The following CCDC33 variants were observed in gnomAD, a reference collection of about 807,000 sequenced individuals.
CCDC33 encodes coiled-coil domain containing 33, also known as coiled-coil domain-containing protein 33.
Under a neutral mutation model 91.9 loss-of-function variants are expected in CCDC33, and 94 were observed. The ratio of observed to expected loss-of-function variants is 1.02; its 90% confidence interval spans 0.87 to 1.21. The LOEUF is 1.21. Ranked by LOEUF, CCDC33 falls within the 50% of genes most tolerant of loss-of-function variation. The pLI is 0.00. For synonymous variants in CCDC33, 396 were observed against 374.5 expected (o/e 1.06, Z -0.66); for missense variants, 940 against 935.5 (o/e 1.00, Z -0.06).
chr15:74,277,013 C>T (rs1292598739), intron 7 of CCDC33, among the ~76,000 whole-genome samples: 1 of 152,136 alleles, frequency 6.6e-6, no homozygotes, highest in Admixed American at 6.5e-5. Context: ...GCTACAGGGT[C>T]GGGGGCAGAG....
At chr15:74,332,885 TG>T (rs1567044200) in intron 16 of CCDC33, 40 bp downstream of exon 16, 1 of 1,598,428 alleles carries the variant, frequency 6.3e-7, no homozygotes, top group Non-Finnish European at 8.5e-7. Context: ...TGCCGGTCAC[TG>T]GGTGCCCAGA....
chr15:74,325,860 C>T (rs367652777), intron 11 of CCDC33, among the ~76,000 whole-genome samples: 2 of 152,108 alleles, frequency 1.3e-5, no homozygotes, highest in African/African-American at 2.4e-5. Context: ...TACCTTACCC[C>T]CAACACACCC....
rs2059342235 is a variant in CCDC33 at position 74,280,659 on chromosome 15, C to T, written c.890-9C>T. ...TTGGCAGGAGCCCTAGTTGATCCTT[C>T]CCCCACAGTGAAAGGCAGCCAGCCG... On this transcript the variant is annotated splice_polypyrimidine_tract_variant and intron_variant, in intron 8 of 18. Coordinates refer to ENST00000398814, the MANE Select transcript of CCDC33 (RefSeq NM_025055.5). The T allele has an allele frequency of 1.4e-6, 2 of 1,465,542 alleles. No individual in the cohort carries two copies. The highest frequency in any genetic ancestry group is 1.5e-5 in the South Asian group (1 of 68,210). 90.8% of individuals were successfully genotyped at this position (1,465,542 alleles called of 1,614,324 possible). A position where few individuals can be genotyped will look rare whatever the true frequency, so the allele number is the denominator to read the frequency against.
At chr15:74,327,717 C>A (rs1329194735) in intron 11 of CCDC33, among the ~76,000 whole-genome samples, 1 of 152,138 alleles carries the variant, frequency 6.6e-6, no homozygotes, top group Non-Finnish European at 1.5e-5. Context: ...GAAAAAATGA[C>A]CCTCTGAATG....
intron 4 of CCDC33, among the ~76,000 whole-genome samples, chr15:74,267,704 G>A (rs1259137228): frequency 6.6e-6 from 1 of 150,870 alleles, no homozygotes; most frequent in Non-Finnish European, 1.5e-5. Flanking sequence ...TTGCCTCCTA[G>A]CTGGATACCC....
intron 11 of CCDC33, among the ~76,000 whole-genome samples, chr15:74,327,866 A>C (rs546730317): frequency 2.0e-5 from 3 of 152,136 alleles, no homozygotes; most frequent in Non-Finnish European, 2.9e-5. Context: ...TCCTTTCACA[A>C]TAGAGCGTGG....
chr15:74,299,023 T>G (rs959637155), intron 11 of CCDC33, among the ~76,000 whole-genome samples: 3 of 152,044 alleles, frequency 2.0e-5, no homozygotes, highest in Non-Finnish European at 4.4e-5. Context: ...GAGGAGGTGT[T>G]TTTGAGCAAC....
intron 2 of CCDC33, among the ~76,000 whole-genome samples, chr15:74,226,184 C>G (rs1412053071): frequency 6.6e-6 from 1 of 152,174 alleles, no homozygotes; most frequent in African/African-American, 2.4e-5. Flanking sequence ...AATCACTTTC[C>G]AAGCCGATTG....
At chr15:74,262,734 G>A (rs974052454) in intron 3 of CCDC33, among the ~76,000 whole-genome samples, 161 bp downstream of exon 3, 5 of 152,178 alleles carry the variant, frequency 3.3e-5, no homozygotes, top group Non-Finnish European at 5.9e-5. Flanking sequence ...ATACTGTCAC[G>A]CCTCATCTCC....
chr15:74,314,530 TG>T (rs1400033227), intron 11 of CCDC33, among the ~76,000 whole-genome samples: 1 of 151,862 alleles, frequency 6.6e-6, no homozygotes, highest in Non-Finnish European at 1.5e-5. Context: ...ATTTCAGGGG[TG>T]GGGGGCACAG....
intron 1 of CCDC33, chr15:74,209,045 GCAGCTCCCCCCTTCTC>G (rs1420964119): frequency 1.7e-6 from 2 of 1,176,348 alleles, no homozygotes; most frequent in African/African-American, 3.2e-5. Flanking sequence ...CTCCCGGAAG[GCAGCTCCCCCCTTCTC>G]CAGTCTGGCT....
chr15:74,226,827 CAAAA>C (rs1167716008), intron 2 of CCDC33, among the ~76,000 whole-genome samples: 3 of 83,702 alleles, frequency 3.6e-5, no homozygotes, highest in Admixed American at 1.3e-4. Flanking sequence ...GACTCCATCT[CAAAA>C]AAAAAAAAAA....
chr15:74,216,289 C>G (rs1264134408), upstream of CCDC33, among the ~76,000 whole-genome samples: 1 of 151,866 alleles, frequency 6.6e-6, no homozygotes, highest in Admixed American at 6.6e-5. Flanking sequence ...GTGGTCTTTC[C>G]CGACATGAAT....
downstream of CCDC33, chr15:74,336,346 C>A (rs780714107): frequency 2.2e-6 from 3 of 1,358,116 alleles, no homozygotes; most frequent in East Asian, 1.2e-4. Flanking sequence ...GCCAGGGAGA[C>A]GGGCCCCTTC....
chr15:74,315,770 C>G (rs573186057), intron 11 of CCDC33, among the ~76,000 whole-genome samples: 12 of 152,288 alleles, frequency 7.9e-5, no homozygotes, highest in Non-Finnish European at 1.5e-4. Context: ...CTGTTTGTTC[C>G]CCCAGAGGTT....
intron 2 of CCDC33, among the ~76,000 whole-genome samples, chr15:74,255,411 C>T (rs1218965609): frequency 6.6e-6 from 1 of 152,236 alleles, no homozygotes; most frequent in East Asian, 1.9e-4. Flanking sequence ...GCTCAGGAGG[C>T]CCTGGGGTTT....
intron 11 of CCDC33, chr15:74,299,871 TTCTCGCTCTCACTC>T (rs2059758820): frequency 1.3e-5 from 2 of 152,420 alleles, no homozygotes; most frequent in Admixed American, 6.5e-5. Context: ...CTCACTCACC[TTCTCGCTCTCACTC>T]TCTCGCTCTC....
chr15:74,321,670 G>T (rs2060209908), intron 11 of CCDC33, among the ~76,000 whole-genome samples: 1 of 152,150 alleles, frequency 6.6e-6, no homozygotes, highest in African/African-American at 2.4e-5. Flanking sequence ...AAAGTGCTGG[G>T]ATTACAGGCG....
At chr15:74,249,738 C>T (rs2075647929) in intron 2 of CCDC33, among the ~76,000 whole-genome samples, 1 of 152,118 alleles carries the variant, frequency 6.6e-6, no homozygotes, top group Non-Finnish European at 1.5e-5. Flanking sequence ...GTGTGCCTGC[C>T]TATCAGACAC....
Sources: gnomAD v4.1 joint callset for allele counts (sites outside exome capture counted in the v4.1 genomes callset) on GRCh38, gnomAD v4.1.1 for gene constraint, MANE v1.5 for transcripts, NCBI Gene and HGNC (gene_info 2026-07-23, HGNC 2026-07-21) for gene names.